DCAF7: variants seen among roughly 807,000 people sequenced by gnomAD.
The protein encoded by DCAF7 is DDB1 and CUL4 associated factor 7.
A neutral mutation model predicts 41.2 loss-of-function variants in DCAF7; 4 were observed. The ratio of observed to expected loss-of-function variants is 0.10; its 90% confidence interval spans 0.05 to 0.22. DCAF7 has a LOEUF of 0.22. Ranked by LOEUF, DCAF7 falls within the 10% of genes least tolerant of loss-of-function variation. The probability of loss-of-function intolerance (pLI) is 1.00; values close to 1 mark genes in which losing one functional copy is unlikely to be tolerated. For missense variants in DCAF7, 131 were observed against 443.2 expected (o/e 0.30, Z 6.32); for synonymous variants, 143 against 164.2 (o/e 0.87, Z 0.99).
intron 1 of DCAF7, among the ~76,000 whole-genome samples, chr17:63,569,960 G>T (rs1440273772): frequency 6.6e-6 from 1 of 152,068 alleles, no homozygotes; most frequent in African/African-American, 2.4e-5. Flanking sequence ...TAAGCTGCCT[G>T]CCTCAACCTC....
chr17:63,585,629 A>G (rs1304955522), intron 6 of DCAF7, among the ~76,000 whole-genome samples: 1 of 152,206 alleles, frequency 6.6e-6, no homozygotes, highest in African/African-American at 2.4e-5. Context: ...TTCCAGGAAT[A>G]TGGGGAAAGG....
At chr17:63,581,640 G>A (rs1031522457) in intron 4 of DCAF7, among the ~76,000 whole-genome samples, 4 of 152,188 alleles carry the variant, frequency 2.6e-5, no homozygotes, top group Non-Finnish European at 2.9e-5. Context: ...CCAAATGCAC[G>A]CTGTAGGAAT....
At chr17:63,559,392 T>C in intron 1 of DCAF7, among the ~76,000 whole-genome samples, 1 of 98,460 alleles carries the variant, frequency 1.0e-5, no homozygotes, top group Non-Finnish European at 1.9e-5. Context: ...TATATGTATA[T>C]ATATATGTAT....
intron 3 of DCAF7, 87 bp from the exon 4 acceptor site, chr17:63,579,738 T>G (rs1456616370): frequency 8.6e-7 from 1 of 1,157,610 alleles, no homozygotes; most frequent in African/African-American, 1.5e-5. Context: ...TGCTGCTCCC[T>G]GGGCTGAGCA....
intron 1 of DCAF7, among the ~76,000 whole-genome samples, chr17:63,555,186 A>G (rs1037955498): frequency 1.3e-5 from 2 of 152,160 alleles, no homozygotes; most frequent in Non-Finnish European, 2.9e-5. Flanking sequence ...TGTTCCACTT[A>G]AGTGCATGTT....
rs1176839516 is a variant in DCAF7, at chr17:63,550,843, G to A, written c.138+28G>A. 2 of 1,607,168 alleles carry A rather than the reference G, an allele frequency of 1.2e-6. No individual in the cohort carries two copies. The highest frequency in any genetic ancestry group is 2.2e-5 in the South Asian group (2 of 90,670). On this transcript the variant is annotated intron_variant, in intron 1 of 6. Transcript: ENST00000614556. The surrounding 1 kb of genome is among the most constrained non-coding windows in gnomAD (Gnocchi z 4.8). The stretch of plus-strand genomic sequence containing the variant: ...GGGCCGGGCAGGGGCTCGGAACCCA[G>A]CTGGCGGGGAGCGGGCCCCGGGAGC...
chr17:63,573,765 G>A (rs2033532410), intron 1 of DCAF7, among the ~76,000 whole-genome samples: 1 of 151,738 alleles, frequency 6.6e-6, no homozygotes, highest in Non-Finnish European at 1.5e-5. Flanking sequence ...AGGTGAGAAT[G>A]TCAACTTTTT....
chr17:63,587,862 T>G (rs2033693271), intron 6 of DCAF7, among the ~76,000 whole-genome samples: 1 of 151,750 alleles, frequency 6.6e-6, no homozygotes, highest in Non-Finnish European at 1.5e-5. Context: ...GGTTCATGCC[T>G]GTAATCCCAG....
intron 1 of DCAF7, among the ~76,000 whole-genome samples, chr17:63,559,320 TGTATATATATATACATACATATATATAC>T (rs1392044836): frequency 2.3e-5 from 2 of 87,150 alleles, no homozygotes; most frequent in African/African-American, 6.5e-5. Context: ...TATATATATA[TGTATATATATATACATACATATATATAC>T]GTATATATAT....
At chr17:63,567,164 G>A (rs183421919) in intron 1 of DCAF7, among the ~76,000 whole-genome samples, 7 of 152,196 alleles carry the variant, frequency 4.6e-5, no homozygotes, top group African/African-American at 7.2e-5. Context: ...GAAGTATTTG[G>A]AAAGATGCAC....
intron 1 of DCAF7, among the ~76,000 whole-genome samples, chr17:63,575,050 C>G (rs2033546762): frequency 6.6e-6 from 1 of 152,210 alleles, no homozygotes; most frequent in South Asian, 2.1e-4. Flanking sequence ...GGCGCAGTAG[C>G]TCATGCCAAT....
chr17:63,563,930 G>A (rs1327956129), intron 1 of DCAF7, among the ~76,000 whole-genome samples: 1 of 152,124 alleles, frequency 6.6e-6, no homozygotes, highest in Non-Finnish European at 1.5e-5. Flanking sequence ...AAATGATTTG[G>A]CTCTTCATAT....
intron 4 of DCAF7, 138 bp from the exon 5 acceptor site, chr17:63,583,364 C>G: frequency 1.3e-6 from 1 of 769,240 alleles, no homozygotes; most frequent in Non-Finnish European, 2.3e-6. Context: ...TCAGTACTCA[C>G]AGACACTGTT....
chr17:63,569,033 C>T (rs2033476313), intron 1 of DCAF7, among the ~76,000 whole-genome samples: 1 of 152,210 alleles, frequency 6.6e-6, no homozygotes, highest in African/African-American at 2.4e-5. Context: ...AATTCTCAAC[C>T]TTGGCTATTA....
intron 1 of DCAF7, among the ~76,000 whole-genome samples, chr17:63,572,923 C>T (rs549563753): frequency 2.6e-5 from 4 of 152,106 alleles, no homozygotes; most frequent in Admixed American, 6.6e-5. Flanking sequence ...CTACCACACC[C>T]GGCTAATTTT....
chr17:63,561,198 G>T (rs1032906311), intron 1 of DCAF7, among the ~76,000 whole-genome samples: 10 of 152,150 alleles, frequency 6.6e-5, no homozygotes, highest in Non-Finnish European at 1.3e-4. Context: ...CCGGGAGGCG[G>T]AGGTTGCAGT....
At chr17:63,568,964 G>T (rs981133490) in intron 1 of DCAF7, among the ~76,000 whole-genome samples, 2 of 152,204 alleles carry the variant, frequency 1.3e-5, no homozygotes, top group Non-Finnish European at 2.9e-5. Flanking sequence ...ATGCTTAGGA[G>T]TGAATCGGTT....
At chr17:63,566,873 C>T (rs540869218) in intron 1 of DCAF7, among the ~76,000 whole-genome samples, 2 of 152,296 alleles carry the variant, frequency 1.3e-5, no homozygotes, top group Admixed American at 1.3e-4. Context: ...GTGATCATGC[C>T]ACCGCTCTAC....
chr17:63,578,945 A>G (rs1339793270), intron 2 of DCAF7, among the ~76,000 whole-genome samples: 1 of 152,200 alleles, frequency 6.6e-6, no homozygotes, highest in Non-Finnish European at 1.5e-5. Context: ...TGAGTAAACT[A>G]AATGAAATAC....
Sources: gnomAD v4.1 joint callset for allele counts (sites outside exome capture counted in the v4.1 genomes callset) on GRCh38, gnomAD v4.1.1 for gene constraint, Gnocchi (gnomAD v3.1) non-coding constraint, MANE v1.5 for transcripts, NCBI Gene and HGNC (gene_info 2026-07-23, HGNC 2026-07-21) for gene names.